Variants in AAK1 observed in about 807,000 individuals in gnomAD.
The protein encoded by AAK1 is AP2-associated protein kinase 1.
A neutral mutation model predicts 116.0 loss-of-function variants in AAK1; 37 were observed. That is an observed-to-expected ratio of 0.32 (90% CI 0.25 to 0.42). AAK1 has a LOEUF of 0.42. Among genes scored for constraint, AAK1 ranks in the 10% least tolerant of loss-of-function variants. The probability of loss-of-function intolerance (pLI) is 1.00; values close to 1 mark genes in which losing one functional copy is unlikely to be tolerated. For synonymous variants in AAK1, 458 were observed against 439.9 expected (o/e 1.04, Z -0.51); for missense variants, 919 against 1,170.6 (o/e 0.79, Z 3.14).
intron 17 of AAK1, among the ~76,000 whole-genome samples, chr2:69,484,304 G>A (rs1288830458): frequency 6.6e-6 from 1 of 152,186 alleles, no homozygotes; most frequent in African/African-American, 2.4e-5. Context: ...TAGGTGATCT[G>A]TAACTACACA....
chr2:69,518,013 T>A (rs920901408), intron 12 of AAK1, among the ~76,000 whole-genome samples: 5 of 152,110 alleles, frequency 3.3e-5, no homozygotes, highest in African/African-American at 1.2e-4. Flanking sequence ...TCCTAGCTAC[T>A]TGAGAGACTC....
At chr2:69,544,722 T>C (rs1476248479) in intron 3 of AAK1, among the ~76,000 whole-genome samples, 178 bp from the exon 4 acceptor site, 1 of 152,172 alleles carries the variant, frequency 6.6e-6, no homozygotes, top group Non-Finnish European at 1.5e-5. Context: ...CACTGCTAGA[T>C]CTTCAATAGC....
chr2:69,473,522 C>T lies in AAK1; in HGVS notation c.*2347G>A, dbSNP rs1674749444. Reference sequence around the variant, plus strand: ...TCTTGTCATTATCTCCCTTAGGCTTCTACTGCCGTCTCTGGCTTCTAGTCT... The same window carrying T: ...TCTTGTCATTATCTCCCTTAGGCTTTTACTGCCGTCTCTGGCTTCTAGTCT... On this transcript the variant is annotated 3_prime_UTR_variant, in exon 22 of 22. Transcript: ENST00000409085. 1.0e-6 allele frequency: 1 copy of T among 985,310 alleles called. No individual in the cohort carries two copies. The highest frequency in any genetic ancestry group is 1.2e-6 in the Non-Finnish European group (1 of 829,934). The allele number at this position is 985,310 out of a possible 1,614,324, so 61.0% of individuals were successfully genotyped here.
At chr2:69,631,790 G>A (rs1022049327) in intron 2 of AAK1, among the ~76,000 whole-genome samples, 7 of 152,032 alleles carry the variant, frequency 4.6e-5, no homozygotes, top group Non-Finnish European at 8.8e-5. Flanking sequence ...GACCAGCCTG[G>A]GCAACATGGC....
intron 19 of AAK1, 64 bp from the exon 20 acceptor site, chr2:69,479,125 A>C: frequency 3.1e-4 from 337 of 1,097,648 alleles, no homozygotes; most frequent in Non-Finnish European, 4.1e-4. Flanking sequence ...CAACAATATC[A>C]TGAGATTAGA....
Position 69,538,447 on chromosome 2 carries a change from C to A in AAK1, c.534+4076G>T, listed in dbSNP as rs545482119. Among the ~76,000 whole-genome samples, 7 of 152,388 alleles carry A rather than the reference C, an allele frequency of 4.6e-5. No homozygotes were observed. The East Asian group carries it at 1.3e-3, about 29-fold the overall frequency. ...TCCAGGGCCCCATCACTGGGTGATG[C>A]TGACCCAGCACCTCACTGTAGCACA... On this transcript the variant is annotated intron_variant, in intron 5 of 21. Transcript: ENST00000409085.
chr2:69,470,834 T>C lies in AAK1; in HGVS notation c.*5035A>G. ...TACTTATTGTCACTCAATACTGTGA[T>C]TAAATCCTTTCTGCAAAAAAGTGGG... On this transcript the variant is annotated 3_prime_UTR_variant, in exon 22 of 22. Coordinates refer to ENST00000409085, the MANE Select transcript of AAK1 (RefSeq NM_014911.5). 1.0e-6 allele frequency: 1 copy of C among 985,860 alleles called. No homozygotes were observed. Among genetic ancestry groups the C allele is most frequent in the Non-Finnish European group, 1.2e-6 (1 of 829,924 alleles). 61.1% of individuals were successfully genotyped at this position (985,860 alleles called of 1,614,324 possible). A position where few individuals can be genotyped will look rare whatever the true frequency, so the allele number is the denominator to read the frequency against.
At chr2:69,540,893 T>TAC (rs533816375) in intron 5 of AAK1, among the ~76,000 whole-genome samples, 108 of 152,352 alleles carry the variant, frequency 7.1e-4, no homozygotes, top group African/African-American at 2.5e-3. Flanking sequence ...CAAAATGTGG[T>TAC]ACATCCATAC....
chr2:69,544,374 C>T, intron 4 of AAK1, 62 bp downstream of exon 4: 1 of 1,365,264 alleles, frequency 7.3e-7, no homozygotes, highest in Non-Finnish European at 1.0e-6. Flanking sequence ...AATGACCACC[C>T]TAACCATGAC....
chr2:69,635,440 C>T (rs1325887066), intron 2 of AAK1, among the ~76,000 whole-genome samples: 1 of 152,174 alleles, frequency 6.6e-6, no homozygotes, highest in African/African-American at 2.4e-5. Flanking sequence ...AATTGCATTT[C>T]TGAGTATATA....
chr2:69,495,804 T>C (rs941356573), intron 17 of AAK1, among the ~76,000 whole-genome samples, 181 bp downstream of exon 17: 8 of 152,202 alleles, frequency 5.3e-5, no homozygotes, highest in Admixed American at 5.2e-4. Flanking sequence ...TGCTAAGGGC[T>C]GGTACCCTCC....
chr2:69,631,357 G>A (rs1265000721), intron 2 of AAK1, among the ~76,000 whole-genome samples: 1 of 152,216 alleles, frequency 6.6e-6, no homozygotes, highest in Non-Finnish European at 1.5e-5. Flanking sequence ...CTAGATGACA[G>A]GCATCATTAT....
chr2:69,473,409 G>A lies in AAK1; in HGVS notation c.*2460C>T, dbSNP rs145963198. On this transcript the variant is annotated 3_prime_UTR_variant, in exon 22 of 22. Coordinates refer to ENST00000409085, the MANE Select transcript of AAK1 (RefSeq NM_014911.5). ...GATGCTCTAAACCAAGGAAGGCTCC[G>A]TTTACCAAAGCACTCATATGTGTTC... The A allele has an allele frequency of 9.1e-6, 9 of 985,370 alleles. No individual in the cohort carries two copies. The highest frequency in any genetic ancestry group is 2.3e-4 in the East Asian group (2 of 8,816). The allele number at this position is 985,370 out of a possible 1,614,324, so 61.0% of individuals were successfully genotyped here.
At chr2:69,489,341 C>T (rs1410839744) in intron 17 of AAK1, among the ~76,000 whole-genome samples, 1 of 151,544 alleles carries the variant, frequency 6.6e-6, no homozygotes, top group Non-Finnish European at 1.5e-5. Flanking sequence ...ATCTGAGCTA[C>T]TCGGGGGGCT....
intron 2 of AAK1, among the ~76,000 whole-genome samples, chr2:69,616,810 C>G (rs1015797982): frequency 2.6e-5 from 4 of 152,186 alleles, no homozygotes; most frequent in Non-Finnish European, 5.9e-5. Context: ...CCCTTGTATA[C>G]CTACCAGTGT....
chr2:69,553,857 C>T (rs956603021), intron 3 of AAK1, among the ~76,000 whole-genome samples: 4 of 151,108 alleles, frequency 2.6e-5, no homozygotes, highest in African/African-American at 9.7e-5. Context: ...GGGAGGATCA[C>T]TTGAGCTCAA....
chr2:69,529,997 A>G lies in AAK1; in HGVS notation c.871+11T>C. 1 of 1,532,802 alleles carries G rather than the reference A, an allele frequency of 6.5e-7. No individual in the cohort carries two copies. The highest frequency in any genetic ancestry group is 8.8e-7 in the Non-Finnish European group (1 of 1,140,674). The allele number at this position is 1,532,802 out of a possible 1,614,324, so 95.0% of individuals were successfully genotyped here. A position where few individuals can be genotyped will look rare whatever the true frequency, so the allele number is the denominator to read the frequency against. ...AATAAAAATATGAAACTAGAAACTT[A>G]AAATACTTACTAATTAGGCAGTGCA... On this transcript the variant is annotated intron_variant, in intron 8 of 21. Transcript: ENST00000409085.
At chr2:69,507,704 A>T in intron 14 of AAK1, 126 bp from the exon 15 acceptor site, 1 of 921,734 alleles carries the variant, frequency 1.1e-6, no homozygotes, top group Non-Finnish European at 1.5e-6. Context: ...TTTCCACCAC[A>T]GTATTTTTTT....
Position 69,467,027 on chromosome 2 carries a change from G to A in AAK1, c.*8842C>T. On this transcript the variant is annotated 3_prime_UTR_variant, in exon 22 of 22. Transcript: ENST00000409085. ...TGCAGAGGGACAAACTCTCTGAAAA[G>A]AAGCAGAATGTGGCTGCTTGATAAA... 3 of 985,446 alleles carry A rather than the reference G, an allele frequency of 3.0e-6. No homozygotes were observed. The highest frequency in any genetic ancestry group is 2.4e-6 in the Non-Finnish European group (2 of 829,930). 61.0% of individuals were successfully genotyped at this position (985,446 alleles called of 1,614,324 possible).
Sources: allele counts gnomAD v4.1 joint callset (sites outside exome capture counted in the v4.1 genomes callset), GRCh38; gene constraint gnomAD v4.1.1; transcripts MANE v1.5; gene names NCBI Gene and HGNC (gene_info 2026-07-23, HGNC 2026-07-21).